Variants in LRRC38 observed in about 807,000 individuals in gnomAD.
The protein encoded by LRRC38 is leucine-rich repeat-containing protein 38.
A neutral mutation model predicts 16.4 loss-of-function variants in LRRC38; 5 were observed. The ratio of observed to expected loss-of-function variants is 0.31; its 90% CI spans 0.16 to 0.64. The LOEUF is 0.64. Ranked by LOEUF, LRRC38 falls within the 30% of genes least tolerant of loss-of-function variation. The pLI, the probability that LRRC38 is intolerant of heterozygous loss-of-function variation, is 0.80. For missense variants in LRRC38, 341 were observed against 401.8 expected (o/e 0.85, Z 1.29); for synonymous variants, 191 against 190.2 (o/e 1.00, Z -0.04).
intron 1 of LRRC38, among the ~76,000 whole-genome samples, chr1:13,480,321 G>A (rs1449067638): frequency 6.6e-6 from 1 of 152,038 alleles, no homozygotes; most frequent in Non-Finnish European, 1.5e-5. Context: ...CTCCAGCCTG[G>A]GTAATAAGAG....
chr1:13,512,546 A>C (rs1298489160), intron 1 of LRRC38, among the ~76,000 whole-genome samples: 1 of 152,062 alleles, frequency 6.6e-6, no homozygotes, highest in Non-Finnish European at 1.5e-5. Context: ...GCTGCTGGAG[A>C]GCCCTTGGAA....
chr1:13,505,565 C>T (rs1344792365), intron 1 of LRRC38, among the ~76,000 whole-genome samples: 1 of 152,226 alleles, frequency 6.6e-6, no homozygotes, highest in Non-Finnish European at 1.5e-5. Flanking sequence ...GTCTCCTACG[C>T]AGGGTGCGGC....
chr1:13,508,108 G>A (rs112815672), intron 1 of LRRC38, among the ~76,000 whole-genome samples: 154 of 151,924 alleles, frequency 1.0e-3, no homozygotes, highest in Middle Eastern at 6.8e-3. Context: ...ATGGTGGCAG[G>A]TGCCTGTAAT....
At chr1:13,481,130 A>C (rs1638848501) in intron 1 of LRRC38, among the ~76,000 whole-genome samples, 1 of 151,652 alleles carries the variant, frequency 6.6e-6, no homozygotes, top group Admixed American at 6.6e-5. Context: ...CTTCCTCCCC[A>C]CCCCCTCCAA....
chr1:13,501,126 T>C (rs901480075), intron 1 of LRRC38, among the ~76,000 whole-genome samples: 1 of 152,226 alleles, frequency 6.6e-6, no homozygotes, highest in South Asian at 2.1e-4. Flanking sequence ...TTATGCAATA[T>C]ATGGTACTGA....
rs1490500107 is a variant in LRRC38, at chr1:13,512,940, CCAG to C, written c.631+20_631+22del. Reference sequence around the variant, plus strand: ...CTCCCTGCCCCCCTCCCTCCCTCCCCCAGCCTAGCCGGCTCGGCTCACCTTTGG... The same window carrying C: ...CTCCCTGCCCCCCTCCCTCCCTCCCCCCTAGCCGGCTCGGCTCACCTTTGG... On this transcript the variant is annotated intron_variant, in intron 1 of 1. Coordinates refer to ENST00000376085, the MANE Select transcript of LRRC38 (RefSeq NM_001010847.2). 4.2e-5 allele frequency: 64 copies of C among 1,519,774 alleles called. No individual in the cohort carries two copies. The highest frequency in any genetic ancestry group is 2.0e-4 in the East Asian group (8 of 40,270). 94.1% of individuals were successfully genotyped at this position (1,519,774 alleles called of 1,614,324 possible). A position where few individuals can be genotyped will look rare whatever the true frequency, so the allele number is the denominator to read the frequency against.
chr1:13,508,491 C>CA (rs1232056651), intron 1 of LRRC38, among the ~76,000 whole-genome samples: 1 of 152,184 alleles, frequency 6.6e-6, no homozygotes, highest in African/African-American at 2.4e-5. Flanking sequence ...GCTCCCAATT[C>CA]AGTAACAGAA....
rs746528588 is a variant in LRRC38 at position 13,475,961 on chromosome 1, G to T, written c.770C>A (p.Ala257Asp). 1 of 1,550,580 alleles carries T rather than the reference G, an allele frequency of 6.4e-7. No individual in the cohort carries two copies. The highest frequency in any genetic ancestry group is 2.0e-5 in the Admixed American group (1 of 50,990). Residue 257 changes from alanine to aspartate, a missense_variant, in exon 2 of 2, where the codon GCC becomes GAC. Physicochemically the swap from Ala to Asp is moderately radical, Grantham distance 126. Coordinates refer to ENST00000376085, the MANE Select transcript of LRRC38 (RefSeq NM_001010847.2). The surrounding 1 kb of genome is among the most constrained non-coding windows in gnomAD (Gnocchi z 4.3). Reference protein sequence around the residue: ...DLCIIIFSGVAVSIAAIISSF... With the variant: ...DLCIIIFSGVDVSIAAIISSF... ...GGAGATGATGGCCGCAATGGACACG[G>T]CCACACCGGAGAAAATGATGATGCA...
Position 13,501,645 on chromosome 1 carries a change from G to C in LRRC38, c.631+11318C>G, listed in dbSNP as rs754778333. 1.4e-4 allele frequency among the ~76,000 whole-genome samples: 20 copies of C among 140,768 alleles called. 2 individuals carry two copies. Among genetic ancestry groups the C allele is most frequent in the Non-Finnish European group, 2.4e-4 (15 of 63,348 alleles). The allele number at this position is 140,768 out of a possible 152,430, so 92.3% of individuals were successfully genotyped here. On this transcript the variant is annotated intron_variant, in intron 1 of 1. Coordinates refer to ENST00000376085, the MANE Select transcript of LRRC38 (RefSeq NM_001010847.2). ...GTCTCACTCTGTTGCCCAGGCTGGA[G>C]TGCAGTGGCACGATCTTGGCTCACT...
At position 13,476,051 on chromosome 1, in the gene LRRC38, G is replaced by T. The variant is rs1179807534; in HGVS notation, c.680C>A (p.Ser227Tyr). 1 of 1,550,336 alleles carries T rather than the reference G, an allele frequency of 6.5e-7. No homozygotes were observed. The highest frequency in any genetic ancestry group is 8.7e-7 in the Non-Finnish European group (1 of 1,146,910). Reference sequence around the variant, plus strand: ...GCTGGCCTCCGACAGCTCACGCAGGGATATCCTCCTGCTCTCCATGGGCAG... The same window carrying T: ...GCTGGCCTCCGACAGCTCACGCAGGTATATCCTCCTGCTCTCCATGGGCAG... ...CSLPMESRRI[S>Y]LRELSEASFS... Residue 227 changes from serine (S) to tyrosine (Y), a missense_variant, in exon 2 of 2, where the codon TCC (serine) becomes TAC (tyrosine). Physicochemically the swap from Ser to Tyr is moderately radical, Grantham distance 144 (BLOSUM62 -2). Transcript: ENST00000376085.
At chr1:13,481,035 A>T (rs142399256) in intron 1 of LRRC38, among the ~76,000 whole-genome samples, 2 of 152,264 alleles carry the variant, frequency 1.3e-5, no homozygotes, top group Middle Eastern at 3.4e-3. Flanking sequence ...GTGTGATGGT[A>T]TCTGGAGGTG....
chr1:13,502,427 C>G (rs2100517195), intron 1 of LRRC38, among the ~76,000 whole-genome samples: 1 of 152,220 alleles, frequency 6.6e-6, no homozygotes, highest in South Asian at 2.1e-4. Flanking sequence ...CTCCCAGGCA[C>G]TGGCTGGGAG....
At chr1:13,501,458 G>C (rs866844549) in intron 1 of LRRC38, among the ~76,000 whole-genome samples, 1 of 151,224 alleles carries the variant, frequency 6.6e-6, no homozygotes, top group Non-Finnish European at 1.5e-5. Flanking sequence ...GCCCAGGCTG[G>C]GGTGCAGTAG....
In LRRC38 at chr1:13,513,110, TGTC is replaced by T; in HGVS notation, c.481_483del (p.Asp161del). 6.5e-7 allele frequency: 1 copy of T among 1,550,140 alleles called. No homozygotes were observed. Among genetic ancestry groups the T allele is most frequent in the Non-Finnish European group, 8.7e-7 (1 of 1,146,804 alleles). ...GCCACGCTGAGGCTGCGCAGGTTGT[TGTC>T]GTTGAGCTCCAGCACCTGCAGCGAC... On this transcript the variant is annotated inframe_deletion, in exon 1 of 2. Transcript: ENST00000376085.
chr1:13,504,433 G>A (rs1020741472), intron 1 of LRRC38, among the ~76,000 whole-genome samples: 1 of 151,944 alleles, frequency 6.6e-6, no homozygotes, highest in Non-Finnish European at 1.5e-5. Flanking sequence ...TAAGAAATCA[G>A]CATGAGGCTG....
intron 1 of LRRC38, among the ~76,000 whole-genome samples, chr1:13,491,417 CTT>C (rs1639010607): frequency 6.6e-6 from 1 of 152,034 alleles, no homozygotes; most frequent in Non-Finnish European, 1.5e-5. Flanking sequence ...GCCTCGACCT[CTT>C]GGGCTCAGGC....
intron 1 of LRRC38, among the ~76,000 whole-genome samples, chr1:13,492,755 A>G (rs138510714): frequency 6.6e-6 from 1 of 151,962 alleles, no homozygotes; most frequent in East Asian, 1.9e-4. Context: ...CAGCCCTGAC[A>G]CTCTATGAAT....
intron 1 of LRRC38, among the ~76,000 whole-genome samples, chr1:13,498,082 A>G (rs1639103525): frequency 6.6e-6 from 1 of 151,876 alleles, no homozygotes; most frequent in Admixed American, 6.6e-5. Flanking sequence ...ATCTGAAATT[A>G]TCTCTGCAGC....
intron 1 of LRRC38, among the ~76,000 whole-genome samples, chr1:13,479,099 C>A (rs1557493946): frequency 6.6e-6 from 1 of 151,586 alleles, no homozygotes; most frequent in African/African-American, 2.4e-5. Flanking sequence ...AACAGGAGAG[C>A]TTTATCTTTT....
Sources: gnomAD v4.1 joint callset for allele counts (sites outside exome capture counted in the v4.1 genomes callset) on GRCh38, gnomAD v4.1.1 for gene constraint, Gnocchi (gnomAD v3.1) non-coding constraint, MANE v1.5 for transcripts, NCBI Gene and HGNC (gene_info 2026-07-23, HGNC 2026-07-21) for gene names.